Variants in HM13 observed in about 807,000 individuals in gnomAD.
HM13 encodes histocompatibility minor 13, also known as signal peptide peptidase.
A neutral mutation model predicts 50.0 loss-of-function variants in HM13; 18 were observed. The observed-to-expected ratio is 0.36, with a 90% CI of 0.25 to 0.53. The LOEUF (loss-of-function observed/expected upper bound fraction) is 0.53. Ranked by LOEUF, HM13 falls within the 20% of genes least tolerant of loss-of-function variation. The pLI, the probability that HM13 is intolerant of heterozygous loss-of-function variation, is 0.90. For missense variants in HM13, 393 were observed against 552.4 expected, an observed-to-expected ratio of 0.71 and a Z score of 2.89; for synonymous variants, 197 against 232.6, an observed-to-expected ratio of 0.85 and a Z score of 1.39.
At chr20:31,527,326 A>G (rs1310448386) in intron 1 of HM13, among the ~76,000 whole-genome samples, 158 bp from the exon 2 acceptor site, 4 of 140,484 alleles carry the variant, frequency 2.8e-5, no homozygotes, top group Non-Finnish European at 5.9e-5. Context: ...TGATAGAGCA[A>G]GACTCCATCT....
chr20:31,536,269 A>G (rs535228567), intron 2 of HM13, among the ~76,000 whole-genome samples: 1 of 152,304 alleles, frequency 6.6e-6, no homozygotes, highest in East Asian at 1.9e-4. Context: ...AGGCTGAGGC[A>G]GGAAAATCAC....
chr20:31,529,052 G>A (rs891613436), intron 2 of HM13, among the ~76,000 whole-genome samples: 6 of 152,222 alleles, frequency 3.9e-5, no homozygotes, highest in African/African-American at 1.4e-4. Flanking sequence ...CCAGCCTGGA[G>A]TGCACTGGTG....
chr20:31,547,344 G>A (rs1315454599), intron 4 of HM13: 1 of 321,158 alleles, frequency 3.1e-6, no homozygotes, highest in African/African-American at 2.2e-5. Flanking sequence ...ATTTCACCGG[G>A]CCGTAAAGCG....
rs1985114994 is a variant in HM13 at position 31,569,126 on chromosome 20, G to C, written c.1188G>C (p.Glu396Asp). Residue 396 changes from glutamate to aspartate, a missense_variant, in exon 13 of 13, where the codon GAG becomes GAC. Transcript: ENST00000398174. ...RRPQNPSAIY[E>D]ESNPKDPAAV... Reference sequence around the variant, plus strand: ...TTTTTTTTTTTTTGGTCAGTTATGAGGAGTCAAATCCTAAGGATCCAGCGG... The same window carrying C: ...TTTTTTTTTTTTTGGTCAGTTATGACGAGTCAAATCCTAAGGATCCAGCGG... 6.4e-7 allele frequency: 1 copy of C among 1,555,378 alleles called. No homozygotes were observed. The highest frequency in any genetic ancestry group is 2.3e-5 in the East Asian group (1 of 42,652).
intron 2 of HM13, among the ~76,000 whole-genome samples, chr20:31,531,317 G>A (rs62204640): frequency 1.6e-4 from 24 of 152,260 alleles, no homozygotes; most frequent in Admixed American, 2.6e-4. Context: ...GGGATTACAG[G>A]TGTGAGCCAC....
At chr20:31,555,601 G>A (rs2122641916) in intron 8 of HM13, among the ~76,000 whole-genome samples, 1 of 152,270 alleles carries the variant, frequency 6.6e-6, no homozygotes, top group South Asian at 2.1e-4. Flanking sequence ...TCTGGGCCCA[G>A]TTGTGGGGGC....
intron 4 of HM13, 30 bp from the exon 5 acceptor site, chr20:31,548,999 G>A: frequency 1.9e-6 from 3 of 1,598,722 alleles, no homozygotes; most frequent in Non-Finnish European, 2.6e-6. Context: ...CCTGCCTCAG[G>A]GAGTGGACTT....
At chr20:31,528,960 T>C (rs1982654019) in intron 2 of HM13, among the ~76,000 whole-genome samples, 1 of 152,224 alleles carries the variant, frequency 6.6e-6, no homozygotes, top group East Asian at 1.9e-4. Flanking sequence ...ATCATAACTG[T>C]AGTGTTAGAT....
intron 2 of HM13, among the ~76,000 whole-genome samples, chr20:31,529,169 G>A (rs1982665012): frequency 6.6e-6 from 1 of 152,142 alleles, no homozygotes; most frequent in Admixed American, 6.6e-5. Flanking sequence ...ATGTTGCCCA[G>A]GCTGGTAACA....
At chr20:31,524,315 G>A (rs1406921) in intron 1 of HM13, among the ~76,000 whole-genome samples, 2,201 of 152,232 alleles carry the variant, frequency 0.014, 53 homozygotes, top group African/African-American at 0.05. Context: ...GTTTGACAGA[G>A]AAGTAAACCC....
rs1017579972 is a variant in HM13, at chr20:31,544,930, T to A, written c.366-17T>A. The A allele has an allele frequency of 6.2e-7, 1 of 1,612,248 alleles. No homozygotes were observed. Among genetic ancestry groups the A allele is most frequent in the African/African-American group, 1.3e-5 (1 of 75,024 alleles). On this transcript the variant is annotated splice_polypyrimidine_tract_variant and intron_variant, in intron 3 of 12. Coordinates refer to ENST00000398174, the MANE Select transcript of HM13 (RefSeq NM_178581.3). ...ATGGGGGCTCTGTTTGCCGACTTGC[T>A]TTGTCTTTCCTTCCAGCCCCTTCAT...
chr20:31,566,700 A>C (rs1042903687), intron 11 of HM13, among the ~76,000 whole-genome samples: 1 of 152,020 alleles, frequency 6.6e-6, no homozygotes, highest in African/African-American at 2.4e-5. Flanking sequence ...GGGATGCCCT[A>C]GTGTGGTAGA....
rs778923260 is a variant in HM13 at position 31,545,081 on chromosome 20, C to T, written c.454+46C>T. The T allele has an allele frequency of 2.1e-6, 3 of 1,416,788 alleles. No homozygotes were observed. In the South Asian group the frequency reaches 3.4e-5, roughly 16 times the overall value. 87.8% of individuals were successfully genotyped at this position (1,416,788 alleles called of 1,614,324 possible). On this transcript the variant is annotated intron_variant, in intron 4 of 12. Transcript: ENST00000398174. ...CCTGTAGTGTGCCTTGGGTGTCTTCCTCCACCATTCCCTTTGTCTCTCCAA... is the reference window on the plus strand; with the variant it reads ...CCTGTAGTGTGCCTTGGGTGTCTTCTTCCACCATTCCCTTTGTCTCTCCAA...
intron 1 of HM13, among the ~76,000 whole-genome samples, chr20:31,522,618 C>G (rs927936809): frequency 8.2e-5 from 11 of 133,784 alleles, no homozygotes; most frequent in African/African-American, 4.1e-4. Flanking sequence ...TCCAGACTAC[C>G]AGACACTGTG....
chr20:31,568,747 C>T (rs1277659133), intron 12 of HM13, among the ~76,000 whole-genome samples: 1 of 152,212 alleles, frequency 6.6e-6, no homozygotes, highest in African/African-American at 2.4e-5. Context: ...ATGCTGTGTG[C>T]CCTGGGAGGC....
intron 3 of HM13, 82 bp downstream of exon 3, chr20:31,538,343 G>T (rs1983238780): frequency 6.2e-7 from 1 of 1,611,512 alleles, no homozygotes. Context: ...ATGACTTTTG[G>T]CATCATTCAG....
intron 7 of HM13, among the ~76,000 whole-genome samples, chr20:31,553,282 C>T (rs920934417): frequency 2.3e-5 from 3 of 128,718 alleles, no homozygotes; most frequent in Non-Finnish European, 4.8e-5. Context: ...GGCAACAGAG[C>T]GAGACTCCAT....
At chr20:31,567,526 T>TCC (rs34254559) in intron 11 of HM13, 1 of 152,046 alleles carries the variant, frequency 6.6e-6, no homozygotes, top group African/African-American at 2.4e-5. Context: ...TCTCTCTCTC[T>TCC]CCCTCCTTTC....
At chr20:31,564,076 A>AG (rs1339331539) in intron 10 of HM13, 2 of 150,458 alleles carry the variant, frequency 1.3e-5, no homozygotes, top group South Asian at 2.1e-4. Context: ...ACTCTGTCTC[A>AG]GAAAAAAAAA....
Sources: gnomAD v4.1 joint callset for allele counts (sites outside exome capture counted in the v4.1 genomes callset) on GRCh38, gnomAD v4.1.1 for gene constraint, MANE v1.5 for transcripts, NCBI Gene and HGNC (gene_info 2026-07-23, HGNC 2026-07-21) for gene names.